The following KLHDC4 variants were observed in gnomAD, a reference collection of about 807,000 sequenced individuals.
The protein encoded by KLHDC4 is kelch domain containing 4.
In KLHDC4, 90 loss-of-function variants were observed where a neutral mutation model predicts 62.4. That is an observed-to-expected ratio of 1.44 (90% CI 1.22 to 1.72). The LOEUF (loss-of-function observed/expected upper bound fraction) is 1.72, where lower values mean the gene tolerates loss of function less well. Among genes scored for constraint, KLHDC4 ranks in the 40% most tolerant of loss-of-function variants. The pLI, the probability that KLHDC4 is intolerant of heterozygous loss-of-function variation, is 0.00. For synonymous variants in KLHDC4, 386 were observed against 284.4 expected (o/e 1.36, Z -3.59); for missense variants, 1,025 against 699.7 (o/e 1.47, Z -5.25).
At chr16:87,705,139 C>T (rs1472664746), downstream of KLHDC4, among the ~76,000 whole-genome samples, 1 of 152,260 alleles carries the variant, frequency 6.6e-6, no homozygotes, top group African/African-American at 2.4e-5. Flanking sequence ...CAGCGAGGAA[C>T]TGGGCAAGAA....
intron 4 of KLHDC4, chr16:87,750,983 C>A (rs545597595): frequency 1.3e-5 from 2 of 152,338 alleles, no homozygotes; most frequent in Admixed American, 6.5e-5. Context: ...TGGCTCAAGG[C>A]CGAAACCTAA....
intron 6 of KLHDC4, among the ~76,000 whole-genome samples, chr16:87,728,277 G>A (rs767533938): frequency 6.6e-6 from 1 of 152,214 alleles, no homozygotes; most frequent in African/African-American, 2.4e-5. Context: ...AATATAGATA[G>A]AATCTGAGGA....
intron 5 of KLHDC4, among the ~76,000 whole-genome samples, chr16:87,738,309 C>T (rs540285381): frequency 6.6e-6 from 1 of 152,286 alleles, no homozygotes; most frequent in Non-Finnish European, 1.5e-5. Context: ...GAGGACCCTT[C>T]CTCACATCAG....
downstream of KLHDC4, among the ~76,000 whole-genome samples, chr16:87,703,885 G>A (rs574578189): frequency 2.0e-5 from 3 of 152,350 alleles, no homozygotes; most frequent in East Asian, 1.9e-4. Flanking sequence ...GAGTAATGGA[G>A]GTGACTGCAA....
At chr16:87,703,147 C>A (rs538424079), downstream of KLHDC4, 2 of 152,220 alleles carry the variant, frequency 1.3e-5, no homozygotes, top group African/African-American at 4.8e-5. Flanking sequence ...CAGAGCTAGT[C>A]GGCACGTGGA....
downstream of KLHDC4, among the ~76,000 whole-genome samples, chr16:87,705,824 C>A (rs1027931102): frequency 3.9e-5 from 6 of 152,098 alleles, no homozygotes; most frequent in Non-Finnish European, 5.9e-5. Flanking sequence ...CTGCTGCCTG[C>A]GCTCTGGCTT....
intron 7 of KLHDC4, among the ~76,000 whole-genome samples, chr16:87,725,316 C>A (rs555393142): frequency 1.5e-4 from 23 of 152,308 alleles, no homozygotes; most frequent in African/African-American, 5.3e-4. Flanking sequence ...CAGGCGCCCG[C>A]CACCACGCCC....
At chr16:87,736,467 A>G (rs2041329522) in intron 5 of KLHDC4, among the ~76,000 whole-genome samples, 1 of 152,166 alleles carries the variant, frequency 6.6e-6, no homozygotes, top group African/African-American at 2.4e-5. Flanking sequence ...TCATCCTCAG[A>G]CTAGAGAGCC....
At chr16:87,708,550 TG>T in intron 10 of KLHDC4, 84 bp from the exon 11 acceptor site, 2 of 904,934 alleles carry the variant, frequency 2.2e-6, no homozygotes, top group South Asian at 2.3e-5. Context: ...GGCTACGTCC[TG>T]GGGGGATTCC....
intron 5 of KLHDC4, among the ~76,000 whole-genome samples, chr16:87,740,033 G>C (rs1016085775): frequency 2.6e-5 from 4 of 152,214 alleles, no homozygotes; most frequent in African/African-American, 9.7e-5. Flanking sequence ...GGGTCCTAAA[G>C]TGGAGTCACA....
chr16:87,764,603 G>A (rs1006249658), intron 1 of KLHDC4, among the ~76,000 whole-genome samples: 4 of 124,226 alleles, frequency 3.2e-5, no homozygotes, highest in Non-Finnish European at 6.3e-5. Context: ...AGCTGAGATC[G>A]CACCATTGCA....
chr16:87,732,122 G>C (rs1298938466), intron 5 of KLHDC4, among the ~76,000 whole-genome samples: 1 of 138,754 alleles, frequency 7.2e-6, no homozygotes, highest in African/African-American at 2.7e-5. Flanking sequence ...TTTTGAGACA[G>C]CGTTTCATTC....
chr16:87,748,353 C>G (rs557041711), intron 5 of KLHDC4, among the ~76,000 whole-genome samples: 1 of 152,148 alleles, frequency 6.6e-6, no homozygotes, highest in Non-Finnish European at 1.5e-5. Flanking sequence ...AGCTGGGCAC[C>G]CAGAGCTGCC....
At chr16:87,742,949 G>C (rs1443013141) in intron 5 of KLHDC4, 2 of 152,276 alleles carry the variant, frequency 1.3e-5, no homozygotes, top group African/African-American at 4.8e-5. Context: ...GTGACGACGA[G>C]CACGGAGAAC....
chr16:87,742,460 A>G (rs990737888), intron 5 of KLHDC4, among the ~76,000 whole-genome samples: 2 of 152,264 alleles, frequency 1.3e-5, no homozygotes, highest in African/African-American at 4.8e-5. Flanking sequence ...TTTAAGCAGC[A>G]ACTAAAAAAC....
In KLHDC4 at chr16:87,726,837, T is replaced by C; in HGVS notation, c.687A>G (p.Thr229=). The C allele has an allele frequency of 6.2e-7, 1 of 1,611,762 alleles. No individual in the cohort carries two copies. The highest frequency in any genetic ancestry group is 8.5e-7 in the Non-Finnish European group (1 of 1,179,234). Residue 229 remains threonine, a synonymous_variant, in exon 7 of 12, where the codon ACA becomes ACG. Coordinates refer to ENST00000270583, the MANE Select transcript of KLHDC4 (RefSeq NM_017566.4). ...SKLSPSGTGP[T]PRSGCQMSVT... Reference sequence around the variant, plus strand: ...CGGACATCTGGCAGCCTGATCTGGGTGTGGGCCCCGTCCCTGACGGGGACA... The same window carrying C: ...CGGACATCTGGCAGCCTGATCTGGGCGTGGGCCCCGTCCCTGACGGGGACA...
chr16:87,737,448 C>T (rs952941882), intron 5 of KLHDC4, among the ~76,000 whole-genome samples: 6 of 151,942 alleles, frequency 3.9e-5, no homozygotes, highest in African/African-American at 7.3e-5. Flanking sequence ...ATTAGCCGAG[C>T]GTGGTGGTGC....
At chr16:87,732,156 T>C (rs1180348253) in intron 5 of KLHDC4, among the ~76,000 whole-genome samples, 1 of 149,536 alleles carries the variant, frequency 6.7e-6, no homozygotes, top group Non-Finnish European at 1.5e-5. Flanking sequence ...AGTGCAGTGG[T>C]GCAATCTCGG....
At chr16:87,732,002 C>A (rs777482522) in intron 5 of KLHDC4, among the ~76,000 whole-genome samples, 73 of 151,960 alleles carry the variant, frequency 4.8e-4, no homozygotes, top group Non-Finnish European at 9.3e-4. Context: ...GATAGCTGCT[C>A]GGGGCAGGAG....
Sources: allele counts gnomAD v4.1 joint callset (sites outside exome capture counted in the v4.1 genomes callset), GRCh38; gene constraint gnomAD v4.1.1; transcripts MANE v1.5; gene names NCBI Gene and HGNC (gene_info 2026-07-23, HGNC 2026-07-21).